The following HHAT variants were observed in gnomAD, a reference collection of about 807,000 sequenced individuals.
The protein encoded by HHAT is protein-cysteine N-palmitoyltransferase HHAT.
HHAT carries 47 observed loss-of-function variants against 70.8 expected under a neutral mutation model. The observed-to-expected ratio is 0.66, with a 90% CI of 0.53 to 0.85. The LOEUF is 0.85. HHAT is among the 40% of genes least tolerant of loss of function. The probability of loss-of-function intolerance (pLI) is 0.00; values close to 1 mark genes in which losing one functional copy is unlikely to be tolerated. For missense variants in HHAT, 609 were observed against 604.8 expected (o/e 1.01, Z -0.07); for synonymous variants, 228 against 247.6 (o/e 0.92, Z 0.74).
chr1:210,646,347 C>T (rs898164004), intron 11 of HHAT, among the ~76,000 whole-genome samples: 1 of 152,328 alleles, frequency 6.6e-6, no homozygotes, highest in Admixed American at 6.5e-5. Flanking sequence ...CTAGCCTGAA[C>T]CTCTTGCGCT....
At chr1:210,428,562 C>A (rs560256191) in intron 7 of HHAT, among the ~76,000 whole-genome samples, 1 of 150,806 alleles carries the variant, frequency 6.6e-6, no homozygotes, top group South Asian at 2.1e-4. Flanking sequence ...TTTTATGACA[C>A]CAGCTTGTTG....
intron 6 of HHAT, among the ~76,000 whole-genome samples, chr1:210,416,851 A>G (rs554463533): frequency 2.4e-4 from 37 of 152,232 alleles, no homozygotes; most frequent in Non-Finnish European, 4.4e-4. Context: ...TGCTTCTTGT[A>G]TGCCTAAGTA....
chr1:210,616,041 G>A (rs1423348135), intron 10 of HHAT, among the ~76,000 whole-genome samples: 5 of 152,192 alleles, frequency 3.3e-5, no homozygotes, highest in Admixed American at 1.3e-4. Flanking sequence ...TTCCTATTCG[G>A]CCATCTTGGA....
rs138100074 is a variant in HHAT, at chr1:210,526,444, G to A, written c.1043+13256G>A. Among the ~76,000 whole-genome samples the A allele has an allele frequency of 9.4e-5, 14 of 149,558 alleles. No individual in the cohort carries two copies. In the East Asian group the frequency reaches 2.7e-3, roughly 28 times the overall value. ...AGATACCTAGCTCAACAGGGGGAGC[G>A]CATGATCTTTAGTTAGCTTTGCCTA... is the stretch of plus-strand genomic sequence containing the variant. On this transcript the variant is annotated intron_variant, in intron 9 of 11. Coordinates refer to ENST00000261458, the MANE Select transcript of HHAT (RefSeq NM_018194.6).
chr1:210,587,934 C>A lies in HHAT; in HGVS notation c.1080C>A (p.Gly360=), dbSNP rs1660830337. ...VYIPVGGSQH[G]LLGTLFSTAM... is the part of the protein sequence containing the mutation. ...TTCCAGTGGGCGGGTCCCAGCATGG[C>A]CTGCTGGGGACACTGTTTTCCACGG... The change falls in exon 10 of 12, where the codon GGC becomes GGA. Residue 360 remains glycine, a synonymous_variant. Coordinates refer to ENST00000261458, the MANE Select transcript of HHAT (RefSeq NM_018194.6). The A allele has an allele frequency of 1.1e-5, 17 of 1,614,004 alleles. No individual in the cohort carries two copies. Among genetic ancestry groups the A allele is most frequent in the Non-Finnish European group, 1.3e-5 (15 of 1,180,020 alleles).
chr1:210,661,283 C>T (rs912104835), intron 11 of HHAT, among the ~76,000 whole-genome samples: 2 of 152,184 alleles, frequency 1.3e-5, no homozygotes, highest in Non-Finnish European at 2.9e-5. Flanking sequence ...CAAACGAAGA[C>T]ATTTATGCAG....
chr1:210,442,661 G>A (rs1188914767), intron 7 of HHAT, among the ~76,000 whole-genome samples: 2 of 152,218 alleles, frequency 1.3e-5, no homozygotes, highest in African/African-American at 4.8e-5. Flanking sequence ...TTTGAGAAAT[G>A]TCTGTTCATG....
At position 210,524,279 on chromosome 1, in the gene HHAT, A is replaced by G. The variant is rs1166246732; in HGVS notation, c.1043+11091A>G. 3.3e-5 allele frequency among the ~76,000 whole-genome samples: 5 copies of G among 152,204 alleles called. No individual in the cohort carries two copies. In the South Asian group the frequency reaches 1.0e-3, roughly 32 times the overall value. On this transcript the variant is annotated intron_variant, in intron 9 of 11. Transcript: ENST00000261458. ...AAATTTTTTTAAATGGAAGAACAAAAAGAACCCAAGTAAGCAAGCACTGTC... is the reference window on the plus strand; with the variant it reads ...AAATTTTTTTAAATGGAAGAACAAAGAGAACCCAAGTAAGCAAGCACTGTC...
intron 11 of HHAT, among the ~76,000 whole-genome samples, chr1:210,654,736 G>A (rs1287476175): frequency 6.6e-6 from 1 of 152,204 alleles, no homozygotes; most frequent in Non-Finnish European, 1.5e-5. Flanking sequence ...TCTTCCCCAT[G>A]GAATGAGTAC....
chr1:210,537,137 A>G (rs2148651225), intron 9 of HHAT, among the ~76,000 whole-genome samples: 1 of 152,304 alleles, frequency 6.6e-6, no homozygotes. Context: ...AAACACTGAG[A>G]AAAGATGAAC....
intron 7 of HHAT, among the ~76,000 whole-genome samples, chr1:210,441,255 G>C (rs776257820): frequency 2.6e-5 from 4 of 152,244 alleles, no homozygotes; most frequent in Non-Finnish European, 5.9e-5. Flanking sequence ...GTTGATTTTA[G>C]ACAGCAGCAG....
At chr1:210,634,127 G>C (rs1275265727) in intron 11 of HHAT, among the ~76,000 whole-genome samples, 1 of 152,206 alleles carries the variant, frequency 6.6e-6, no homozygotes, top group Non-Finnish European at 1.5e-5. Flanking sequence ...GAAATCTCCT[G>C]GGGCCAGGGG....
intron 4 of HHAT, among the ~76,000 whole-genome samples, chr1:210,392,786 G>T (rs776130271): frequency 1.4e-4 from 22 of 151,960 alleles, no homozygotes; most frequent in Admixed American, 1.3e-4. Context: ...TACAAAATCT[G>T]CCCCACCCCA....
chr1:210,547,574 C>G (rs1027861498), intron 9 of HHAT, among the ~76,000 whole-genome samples: 1 of 152,058 alleles, frequency 6.6e-6, no homozygotes, highest in Non-Finnish European at 1.5e-5. Context: ...CCCAAAGGGC[C>G]TCTATTTGGC....
intron 4 of HHAT, among the ~76,000 whole-genome samples, chr1:210,388,986 G>C (rs1439537731): frequency 2.6e-5 from 4 of 152,168 alleles, no homozygotes; most frequent in African/African-American, 9.7e-5. Flanking sequence ...TATTACTCAT[G>C]TTTGGTCCTT....
intron 6 of HHAT, 116 bp downstream of exon 6, chr1:210,404,795 A>G: frequency 2.9e-6 from 2 of 696,554 alleles, no homozygotes; most frequent in Non-Finnish European, 4.8e-6. Context: ...GATTTACAAC[A>G]CATACTATTA....
intron 6 of HHAT, among the ~76,000 whole-genome samples, chr1:210,409,379 G>A (rs2148233268): frequency 6.6e-6 from 1 of 152,270 alleles, no homozygotes; most frequent in South Asian, 2.1e-4. Context: ...GCTCAAGCAG[G>A]CTGAACCAAG....
At chr1:210,371,135 A>G (rs1484317002) in intron 3 of HHAT, among the ~76,000 whole-genome samples, 1 of 152,004 alleles carries the variant, frequency 6.6e-6, no homozygotes, top group African/African-American at 2.4e-5. Context: ...TCCATCACCA[A>G]TCATGGGTTT....
At chr1:210,662,655 A>G (rs1028943167) in intron 11 of HHAT, among the ~76,000 whole-genome samples, 3 of 152,000 alleles carry the variant, frequency 2.0e-5, no homozygotes, top group African/African-American at 7.3e-5. Flanking sequence ...CCCTGGAGAG[A>G]GAAAATATTT....
Sources: allele counts gnomAD v4.1 joint callset (sites outside exome capture counted in the v4.1 genomes callset), GRCh38; gene constraint gnomAD v4.1.1; transcripts MANE v1.5; gene names NCBI Gene and HGNC (gene_info 2026-07-23, HGNC 2026-07-21).